Variants in PKHD1 observed in about 807,000 individuals in gnomAD.
PKHD1 encodes the protein fibrocystin.
A neutral mutation model predicts 412.0 loss-of-function variants in PKHD1; 291 were observed. That is an observed-to-expected ratio of 0.71 (90% CI 0.64 to 0.78). The LOEUF is 0.78. PKHD1 is among the 30% of genes least tolerant of loss of function. The pLI, the probability that PKHD1 is intolerant of heterozygous loss-of-function variation, is 0.00. For synonymous variants in PKHD1, 1,777 were observed against 1,821.5 expected (o/e 0.98, Z 0.62); for missense variants, 4,825 against 4,950.7 (o/e 0.97, Z 0.76).
chr6:52,007,491 T>C (rs967337513), intron 35 of PKHD1, among the ~76,000 whole-genome samples: 11 of 152,152 alleles, frequency 7.2e-5, no homozygotes, highest in Non-Finnish European at 1.6e-4. Context: ...GTAGGGAAAT[T>C]GTACATCCCA....
intron 43 of PKHD1, among the ~76,000 whole-genome samples, chr6:51,889,993 ATT>A (rs200582522): frequency 4.7e-5 from 7 of 149,748 alleles, no homozygotes; most frequent in East Asian, 1.9e-4. Flanking sequence ...TTTATGGTGG[ATT>A]TTTTTTTTCC....
intron 29 of PKHD1, among the ~76,000 whole-genome samples, chr6:52,029,773 A>C (rs1802763969): frequency 6.6e-6 from 1 of 152,208 alleles, no homozygotes; most frequent in Non-Finnish European, 1.5e-5. Flanking sequence ...GGGATAAGCC[A>C]AGTTGATGGT....
intron 49 of PKHD1, among the ~76,000 whole-genome samples, chr6:51,852,979 T>C (rs959350675): frequency 1.1e-4 from 16 of 152,212 alleles, no homozygotes; most frequent in African/African-American, 3.6e-4. Flanking sequence ...TTTTGCACAC[T>C]AGTCAATGCA....
intron 37 of PKHD1, among the ~76,000 whole-genome samples, chr6:51,921,808 T>C (rs1442453179): frequency 6.6e-6 from 1 of 152,216 alleles, no homozygotes; most frequent in Non-Finnish European, 1.5e-5. Context: ...CTATGCTGTT[T>C]ATTCTAGTTA....
intron 51 of PKHD1, among the ~76,000 whole-genome samples, chr6:51,834,776 C>G (rs1768897289): frequency 6.6e-6 from 1 of 152,084 alleles, no homozygotes; most frequent in Non-Finnish European, 1.5e-5. Flanking sequence ...AAATAGTTTT[C>G]TGTTCCCAAC....
At chr6:51,934,371 C>T (rs768683005) in intron 36 of PKHD1, 49 bp from the exon 37 acceptor site, 17 of 1,183,306 alleles carry the variant, frequency 1.4e-5, no homozygotes, top group South Asian at 4.9e-5. Flanking sequence ...TAAGGCTTAC[C>T]GTTTTGTCAG....
At chr6:52,055,853 T>TA in intron 18 of PKHD1, 124 bp from the exon 19 acceptor site, 1 of 945,110 alleles carries the variant, frequency 1.1e-6, no homozygotes, top group South Asian at 1.6e-5. Context: ...CTAACCCAAT[T>TA]ACCCATGCAA....
chr6:51,975,491 G>C (rs1794253214), intron 35 of PKHD1, among the ~76,000 whole-genome samples: 1 of 152,022 alleles, frequency 6.6e-6, no homozygotes, highest in South Asian at 2.1e-4. Flanking sequence ...CAAAGGACTT[G>C]AATGGACATT....
At chr6:51,646,978 G>A (rs766354066) in intron 63 of PKHD1, among the ~76,000 whole-genome samples, 8 of 152,206 alleles carry the variant, frequency 5.3e-5, no homozygotes, top group South Asian at 4.1e-4. Context: ...CACTGAGAGC[G>A]CAGCCCAAAC....
chr6:51,868,147 C>T (rs1429182164), intron 47 of PKHD1, 38 bp from the exon 48 acceptor site: 1 of 1,554,702 alleles, frequency 6.4e-7, no homozygotes, highest in South Asian at 1.1e-5. Context: ...TACACAATGG[C>T]ACAAATAGCA....
At chr6:52,087,119 T>A (rs1227175497) in intron 1 of PKHD1, among the ~76,000 whole-genome samples, 2 of 152,220 alleles carry the variant, frequency 1.3e-5, no homozygotes, top group South Asian at 2.1e-4. Context: ...TATTAGTCTA[T>A]CCACTAATTC....
intron 27 of PKHD1, among the ~76,000 whole-genome samples, chr6:52,037,268 T>C (rs559841274): frequency 6.6e-6 from 1 of 152,234 alleles, no homozygotes; most frequent in East Asian, 1.9e-4. Flanking sequence ...AGAAAGTTTT[T>C]TGACTAGAAG....
intron 24 of PKHD1, among the ~76,000 whole-genome samples, 190 bp from the exon 25 acceptor site, chr6:52,045,278 T>G (rs1805612694): frequency 6.6e-6 from 1 of 152,246 alleles, no homozygotes; most frequent in African/African-American, 2.4e-5. Context: ...CCCAGTAGAT[T>G]AGAGAAATAT....
intron 48 of PKHD1, among the ~76,000 whole-genome samples, chr6:51,862,423 C>T (rs1774337485): frequency 6.6e-6 from 1 of 152,076 alleles, no homozygotes; most frequent in Non-Finnish European, 1.5e-5. Flanking sequence ...ACCTTTGCTG[C>T]CAAGAAAAGA....
chr6:51,747,740 C>A, intron 58 of PKHD1, 47 bp downstream of exon 58: 1 of 1,528,010 alleles, frequency 6.5e-7, no homozygotes, highest in African/African-American at 1.4e-5. Context: ...AAATTTTATG[C>A]ATGGATGTAT....
intron 52 of PKHD1, among the ~76,000 whole-genome samples, chr6:51,818,328 A>C (rs576502316): frequency 1.1e-4 from 17 of 152,324 alleles, no homozygotes; most frequent in African/African-American, 3.8e-4. Context: ...TTTTTCCATA[A>C]AATATATTTT....
chr6:52,009,274 G>A (rs1056756504), intron 35 of PKHD1, among the ~76,000 whole-genome samples: 1 of 152,148 alleles, frequency 6.6e-6, no homozygotes, highest in Non-Finnish European at 1.5e-5. Flanking sequence ...GGACCCAGGA[G>A]CATGGAAAGG....
intron 35 of PKHD1, among the ~76,000 whole-genome samples, chr6:52,005,185 C>T (rs1306764784): frequency 1.3e-5 from 2 of 152,180 alleles, no homozygotes; most frequent in East Asian, 1.9e-4. Context: ...ATTCCCTCTG[C>T]CATTTCCCTG....
intron 65 of PKHD1, among the ~76,000 whole-genome samples, chr6:51,630,822 A>T (rs1199815728): frequency 1.3e-5 from 2 of 152,204 alleles, no homozygotes; most frequent in Non-Finnish European, 2.9e-5. Flanking sequence ...ACTACTGTAA[A>T]ACTTTCATAA....
Sources: gnomAD v4.1 joint callset for allele counts (sites outside exome capture counted in the v4.1 genomes callset) on GRCh38, gnomAD v4.1.1 for gene constraint, MANE v1.5 for transcripts, NCBI Gene and HGNC (gene_info 2026-07-23, HGNC 2026-07-21) for gene names.